Variants in DLG1 observed in about 807,000 individuals in gnomAD.
DLG1 encodes disks large homolog 1.
Under a neutral mutation model 123.4 loss-of-function variants are expected in DLG1, and 42 were observed. The observed-to-expected ratio is 0.34, with a 90% CI of 0.27 to 0.44. DLG1 has a LOEUF of 0.44. Ranked by LOEUF, DLG1 falls within the 20% of genes least tolerant of loss-of-function variation. DLG1 has a pLI of 1.00. For synonymous variants in DLG1, 317 were observed against 356.2 expected, an observed-to-expected ratio of 0.89 and a Z score of 1.24; for missense variants, 942 against 1,082.6, an observed-to-expected ratio of 0.87 and a Z score of 1.82.
intron 5 of DLG1, among the ~76,000 whole-genome samples, chr3:197,184,540 C>T (rs777279959): frequency 2.0e-5 from 3 of 152,160 alleles, no homozygotes; most frequent in Non-Finnish European, 4.4e-5. Context: ...ATGGATTTTC[C>T]TTTATCATTT....
intron 10 of DLG1, chr3:197,136,207 T>C (rs1284227960): frequency 5.7e-6 from 1 of 174,948 alleles, no homozygotes; most frequent in East Asian, 1.6e-4. Context: ...GGTTTCATTA[T>C]ACTATTAAGT....
chr3:197,239,093 TAAGA>T (rs1476798785), intron 4 of DLG1, among the ~76,000 whole-genome samples: 1 of 151,932 alleles, frequency 6.6e-6, no homozygotes, highest in Non-Finnish European at 1.5e-5. Context: ...TATATGGAAT[TAAGA>T]GAGAAAGAAG....
At chr3:197,105,117 AC>A (rs1765645991) in intron 13 of DLG1, 112 bp from the exon 14 acceptor site, 1 of 611,530 alleles carries the variant, frequency 1.6e-6, no homozygotes, top group Non-Finnish European at 2.8e-6. Context: ...CAATAACTTT[AC>A]CACTAAAATG....
At chr3:197,054,331 C>CTT (rs56249039) in intron 23 of DLG1, among the ~76,000 whole-genome samples, 106,051 of 151,658 alleles carry the variant, frequency 0.7, 37,187 homozygotes, top group East Asian at 0.8. Context: ...ATCTCTCTGC[C>CTT]TTCTCTCTAT....
chr3:197,116,047 C>T lies in DLG1; in HGVS notation c.1323G>A (p.Thr441=), dbSNP rs200865005. Residue 441 remains threonine, a synonymous_variant, in exon 13 of 25, where the codon ACG becomes ACA. Coordinates refer to ENST00000667157, the MANE Select transcript of DLG1 (RefSeq NM_001366207.1). ...PRKVVLHRGS[T]GLGFNIVGGE... ...CTCCTACAATGTTGAAACCAAGGCC[C>T]GTTGAGCCACGATGAAGAACAACTT... 35 of 1,608,206 alleles carry T rather than the reference C, an allele frequency of 2.2e-5. No homozygotes were observed. The Admixed American group carries it at 3.7e-4, about 17-fold the overall frequency.
chr3:197,230,882 T>C (rs1265888123), intron 4 of DLG1, among the ~76,000 whole-genome samples: 1 of 152,230 alleles, frequency 6.6e-6, no homozygotes, highest in Non-Finnish European at 1.5e-5. Context: ...AATAAAATGA[T>C]AGTAGTATCT....
Position 197,136,686 on chromosome 3 carries a change from GA to G in DLG1, c.884-9del. The G allele has an allele frequency of 6.3e-7, 1 of 1,596,340 alleles. No individual in the cohort carries two copies. The highest frequency in any genetic ancestry group is 8.5e-7 in the Non-Finnish European group (1 of 1,174,380). On this transcript the variant is annotated splice_polypyrimidine_tract_variant and intron_variant, in intron 9 of 24. Coordinates refer to ENST00000667157, the MANE Select transcript of DLG1 (RefSeq NM_001366207.1). ...CAATGCTAAACCCAAGACCTGTTTGGAAAACAGTTCTAGATTCTCATCCATA... is the reference window on the plus strand; with the variant it reads ...CAATGCTAAACCCAAGACCTGTTTGGAAACAGTTCTAGATTCTCATCCATA...
intron 4 of DLG1, among the ~76,000 whole-genome samples, chr3:197,271,103 A>C (rs1763752703): frequency 6.6e-6 from 1 of 151,854 alleles, no homozygotes; most frequent in Non-Finnish European, 1.5e-5. Flanking sequence ...CCATTCCAAC[A>C]GTCACCCCCA....
At position 197,155,947 on chromosome 3, in the gene DLG1, T is replaced by TATAAATAAATAA. The variant is rs528270321; in HGVS notation, c.484-6163_484-6152dup. On this transcript the variant is annotated intron_variant, in intron 5 of 24. Coordinates refer to ENST00000667157, the MANE Select transcript of DLG1 (RefSeq NM_001366207.1). Reference sequence around the variant, plus strand: ...CTGGGCTACAGAATGAGACCCTGCCTATAAATAAATAAATAAATAAGCCTA... The same window carrying TATAAATAAATAA: ...CTGGGCTACAGAATGAGACCCTGCCTATAAATAAATAAATAAATAAATAAATAAATAAGCCTA... Among the ~76,000 whole-genome samples, 1,444 of 152,208 alleles carry TATAAATAAATAA rather than the reference T, an allele frequency of 9.5e-3. 17 individuals are homozygous for TATAAATAAATAA. The highest frequency in any genetic ancestry group is 0.023 in the African/African-American group (935 of 41,534).
chr3:197,045,917 ACTGT>A (rs1369439896), intron 24 of DLG1, among the ~76,000 whole-genome samples: 1 of 152,174 alleles, frequency 6.6e-6, no homozygotes, highest in East Asian at 1.9e-4. Flanking sequence ...TTTAAATAAT[ACTGT>A]CTATTTGGTA....
intron 18 of DLG1, chr3:197,075,742 A>G: frequency 9.2e-7 from 1 of 1,091,204 alleles, no homozygotes; most frequent in Non-Finnish European, 1.4e-6. Context: ...TCCTTATGCC[A>G]GAAAGGCACT....
intron 5 of DLG1, among the ~76,000 whole-genome samples, chr3:197,187,837 C>T (rs566259019): frequency 2.0e-5 from 3 of 152,220 alleles, no homozygotes; most frequent in South Asian, 2.1e-4. Flanking sequence ...TCCTTCTCTT[C>T]GACATTAAGA....
chr3:197,288,743 A>AAAATACATAC (rs1553827364), intron 3 of DLG1, among the ~76,000 whole-genome samples: 2 of 72,100 alleles, frequency 2.8e-5, no homozygotes, highest in African/African-American at 1.5e-4. Flanking sequence ...AAAAAAAAAA[A>AAAATACATAC]ATACATACAT....
At chr3:197,234,083 C>G (rs1203159625) in intron 4 of DLG1, among the ~76,000 whole-genome samples, 2 of 152,194 alleles carry the variant, frequency 1.3e-5, no homozygotes, top group African/African-American at 4.8e-5. Flanking sequence ...ATCTTATGTC[C>G]TACTAAGCCA....
At chr3:197,198,988 G>T (rs1182045339) in intron 4 of DLG1, among the ~76,000 whole-genome samples, 17 of 152,126 alleles carry the variant, frequency 1.1e-4, no homozygotes, top group Admixed American at 1.1e-3. Flanking sequence ...TTAGTTAGTG[G>T]TGGTAGGTGC....
At chr3:197,069,351 T>A in intron 18 of DLG1, 91 bp from the exon 19 acceptor site, 1 of 741,044 alleles carries the variant, frequency 1.3e-6, no homozygotes, top group Non-Finnish European at 2.1e-6. Flanking sequence ...ATAAGCCATA[T>A]ATAACAAAAT....
At chr3:197,054,509 CA>C (rs754599621) in intron 23 of DLG1, among the ~76,000 whole-genome samples, 9 of 152,172 alleles carry the variant, frequency 5.9e-5, no homozygotes, top group Non-Finnish European at 1.0e-4. Flanking sequence ...TCTGTCTGCT[CA>C]AATCTCCCTG....
chr3:197,295,021 C>T lies in DLG1; in HGVS notation c.151+1325G>A, dbSNP rs149596568. Among the ~76,000 whole-genome samples the T allele has an allele frequency of 2.1e-3, 322 of 152,206 alleles. 3 individuals are homozygous for T. The highest frequency in any genetic ancestry group is 7.4e-3 in the African/African-American group (309 of 41,546). ...TTAGAAAACAAATAACTAAAAAATGCTTTTTGCTGTTTTTCCAGAGGAATC... is the reference window on the plus strand; with the variant it reads ...TTAGAAAACAAATAACTAAAAAATGTTTTTTGCTGTTTTTCCAGAGGAATC... On this transcript the variant is annotated intron_variant, in intron 3 of 24. Coordinates refer to ENST00000667157, the MANE Select transcript of DLG1 (RefSeq NM_001366207.1).
intron 5 of DLG1, among the ~76,000 whole-genome samples, chr3:197,155,293 G>C (rs753346396): frequency 1.4e-4 from 21 of 152,054 alleles, no homozygotes; most frequent in Middle Eastern, 3.4e-3. Flanking sequence ...AAAATAAGAC[G>C]AAAAAAACCC....
Sources: allele counts gnomAD v4.1 joint callset (sites outside exome capture counted in the v4.1 genomes callset), GRCh38; gene constraint gnomAD v4.1.1; transcripts MANE v1.5; gene names NCBI Gene and HGNC (gene_info 2026-07-23, HGNC 2026-07-21).